LEPR: variants seen among roughly 807,000 people sequenced by gnomAD.
LEPR encodes leptin receptor.
Under a neutral mutation model 114.7 loss-of-function variants are expected in LEPR, and 56 were observed. The observed-to-expected ratio is 0.49, with a 90% confidence interval of 0.39 to 0.61. The LOEUF is 0.61. LEPR is among the 20% of genes least tolerant of loss of function. LEPR has a pLI of 0.00. For synonymous variants in LEPR, 443 were observed against 461.4 expected (o/e 0.96, Z 0.51); for missense variants, 1,202 against 1,352.9 (o/e 0.89, Z 1.75).
Position 65,633,286 on chromosome 1 carries a change from G to T in LEPR, c.2674-2905G>T. 6.6e-7 allele frequency: 1 copy of T among 1,523,954 alleles called. No homozygotes were observed. 94.4% of individuals were successfully genotyped at this position (1,523,954 alleles called of 1,614,324 possible). ...GAGCAAATCTAAAAAAAATTCAGTT[G>T]AACTTCTGAGAGTTAACATATGGTG... On this transcript the variant is annotated intron_variant, in intron 19 of 19. Transcript: ENST00000349533. The surrounding 1 kb of genome is among the most constrained non-coding windows in gnomAD (Gnocchi z 4.1).
intron 19 of LEPR, among the ~76,000 whole-genome samples, chr1:65,625,566 A>G (rs1658150319): frequency 6.6e-6 from 1 of 152,202 alleles, no homozygotes. Context: ...TCCAATCACA[A>G]CCTTATAGTT....
intron 19 of LEPR, among the ~76,000 whole-genome samples, chr1:65,628,986 A>G (rs181483554): frequency 1.6e-3 from 244 of 152,182 alleles, no homozygotes; most frequent in Non-Finnish European, 2.6e-3. Context: ...TTTTTCTGGT[A>G]TGTCACCTTT....
intron 2 of LEPR, among the ~76,000 whole-genome samples, chr1:65,565,179 A>T (rs1050089136): frequency 2.0e-5 from 3 of 152,244 alleles, no homozygotes; most frequent in Non-Finnish European, 4.4e-5. Context: ...CATGAAAGAA[A>T]TTGAAGACGG....
At chr1:65,431,753 G>A in intron 2 of LEPR, 3 of 1,580,974 alleles carry the variant, frequency 1.9e-6, no homozygotes, top group Non-Finnish European at 2.6e-6. Flanking sequence ...ATTGCAAAGA[G>A]TACAATATGA....
intron 2 of LEPR, among the ~76,000 whole-genome samples, chr1:65,496,273 T>TA (rs1648150950): frequency 6.6e-6 from 1 of 152,190 alleles, no homozygotes; most frequent in African/African-American, 2.4e-5. Context: ...TTTGTTTTAA[T>TA]AAAAACTTTT....
chr1:65,439,897 G>C (rs1398986312), intron 2 of LEPR, among the ~76,000 whole-genome samples: 6 of 148,818 alleles, frequency 4.0e-5, no homozygotes, highest in Non-Finnish European at 7.4e-5. Context: ...AGCTACTCAG[G>C]AGGCTGAGGC....
chr1:65,453,990 A>G (rs375895142), intron 2 of LEPR, among the ~76,000 whole-genome samples: 7 of 151,460 alleles, frequency 4.6e-5, no homozygotes, highest in Admixed American at 1.3e-4. Flanking sequence ...TATATATTTA[A>G]GATAGTTAGC....
At chr1:65,620,105 T>C in intron 17 of LEPR, 82 bp downstream of exon 17, 1 of 1,072,088 alleles carries the variant, frequency 9.3e-7, no homozygotes, top group South Asian at 1.3e-5. Flanking sequence ...CTGATTATTC[T>C]TTTTCTGATA....
chr1:65,637,193 T>G lies in LEPR; in HGVS notation c.*178T>G, dbSNP rs1170990611. 1 of 637,978 alleles carries G rather than the reference T, an allele frequency of 1.6e-6. No homozygotes were observed. The highest frequency in any genetic ancestry group is 2.6e-6 in the Non-Finnish European group (1 of 390,468). The allele number at this position is 637,978 out of a possible 1,614,324, so 39.5% of individuals were successfully genotyped here. A position where few individuals can be genotyped will look rare whatever the true frequency, so the allele number is the denominator to read the frequency against. On this transcript the variant is annotated 3_prime_UTR_variant, in exon 20 of 20. Transcript: ENST00000349533. ...ATAGACAAAAAATTTGAGAAAGCCT[T>G]CATAAGCCTACCAATGTAGACACGC...
chr1:65,494,925 C>T (rs1370847622), intron 2 of LEPR, among the ~76,000 whole-genome samples: 1 of 151,844 alleles, frequency 6.6e-6, no homozygotes, highest in Non-Finnish European at 1.5e-5. Context: ...GAGTCAAAGA[C>T]TTAAATGTAA....
intron 1 of LEPR, chr1:65,421,260 G>A (rs1646244070): frequency 6.9e-7 from 1 of 1,446,266 alleles, no homozygotes; most frequent in African/African-American, 1.4e-5. Context: ...GTTTCTCGCA[G>A]TCGTGGAGAG....
At chr1:65,504,290 C>T (rs1054359153) in intron 2 of LEPR, among the ~76,000 whole-genome samples, 5 of 152,174 alleles carry the variant, frequency 3.3e-5, no homozygotes, top group African/African-American at 1.2e-4. Context: ...ATAACTCCTA[C>T]TCTGTAAGCA....
intron 19 of LEPR, among the ~76,000 whole-genome samples, chr1:65,628,026 C>T (rs1173531094): frequency 1.3e-5 from 2 of 151,962 alleles, no homozygotes; most frequent in Non-Finnish European, 2.9e-5. Context: ...AATCTAAATC[C>T]TGAACCTATA....
intron 6 of LEPR, among the ~76,000 whole-genome samples, chr1:65,595,697 CTA>C (rs1656017125): frequency 6.6e-6 from 1 of 151,856 alleles, no homozygotes; most frequent in Non-Finnish European, 1.5e-5. Flanking sequence ...ATGATAATTT[CTA>C]TATATATGAA....
rs1658785193 is a variant in LEPR at position 65,638,428 on chromosome 1, G to A, written c.*1413G>A. On this transcript the variant is annotated 3_prime_UTR_variant, in exon 20 of 20. Coordinates refer to ENST00000349533, the MANE Select transcript of LEPR (RefSeq NM_002303.6). ...AGAAACCTGCACATTTGGATGTTCA[G>A]TGGCAAGAAGACCTTCAAGAATATC... The A allele has an allele frequency of 6.6e-6, 1 of 152,160 alleles. No individual in the cohort carries two copies. Among genetic ancestry groups the A allele is most frequent in the Non-Finnish European group, 1.5e-5 (1 of 68,038 alleles). The allele number at this position is 152,160 out of a possible 1,614,324, so 9.4% of individuals were successfully genotyped here.
chr1:65,466,794 T>G (rs1433655646), intron 2 of LEPR, among the ~76,000 whole-genome samples: 1 of 152,198 alleles, frequency 6.6e-6, no homozygotes, highest in African/African-American at 2.4e-5. Flanking sequence ...ATCACTGACA[T>G]CCTTTCTTCC....
At chr1:65,616,245 G>T (rs1657517035) in intron 15 of LEPR, 21 bp downstream of exon 15, 3 of 1,607,842 alleles carry the variant, frequency 1.9e-6, no homozygotes, top group African/African-American at 1.3e-5. Flanking sequence ...GTACAGAGTG[G>T]TAATCCATTG....
intron 2 of LEPR, among the ~76,000 whole-genome samples, chr1:65,499,572 A>G (rs1212695205): frequency 3.3e-5 from 5 of 152,094 alleles, no homozygotes; most frequent in Admixed American, 2.6e-4. Flanking sequence ...TACAATTAGG[A>G]GGATAAATTC....
chr1:65,455,666 G>A (rs1189324896), intron 2 of LEPR, among the ~76,000 whole-genome samples: 24 of 152,194 alleles, frequency 1.6e-4, no homozygotes, highest in Admixed American at 1.6e-3. Context: ...CGTGCTGGGA[G>A]AACCACTGCT....
Sources: gnomAD v4.1 joint callset for allele counts (sites outside exome capture counted in the v4.1 genomes callset) on GRCh38, gnomAD v4.1.1 for gene constraint, Gnocchi (gnomAD v3.1) non-coding constraint, MANE v1.5 for transcripts, NCBI Gene and HGNC (gene_info 2026-07-23, HGNC 2026-07-21) for gene names.